RNF130: variants seen among roughly 807,000 people sequenced by gnomAD.
RNF130 encodes the protein E3 ubiquitin-protein ligase RNF130.
Under a neutral mutation model 44.6 loss-of-function variants are expected in RNF130, and 21 were observed. That is an observed-to-expected ratio of 0.47 (90% confidence interval 0.33 to 0.68). The LOEUF (loss-of-function observed/expected upper bound fraction) is 0.68. Among genes scored for constraint, RNF130 ranks in the 30% least tolerant of loss-of-function variants. RNF130 has a pLI of 0.02. For synonymous variants in RNF130, 214 were observed against 210.4 expected, an observed-to-expected ratio of 1.02 and a Z score of -0.15; for missense variants, 479 against 560.6, an observed-to-expected ratio of 0.85 and a Z score of 1.47.
At chr5:180,025,973 T>C (rs895632437) in intron 2 of RNF130, among the ~76,000 whole-genome samples, 4 of 152,192 alleles carry the variant, frequency 2.6e-5, no homozygotes, top group Non-Finnish European at 5.9e-5. Context: ...GTATTTTTTG[T>C]ATTCACAGTG....
At chr5:180,024,897 C>T (rs1278147840) in intron 2 of RNF130, among the ~76,000 whole-genome samples, 4 of 152,174 alleles carry the variant, frequency 2.6e-5, no homozygotes, top group Non-Finnish European at 4.4e-5. Flanking sequence ...GTAAAGCTCT[C>T]CTGGGGGTGT....
chr5:179,949,267 A>AT (rs770299135), intron 7 of RNF130, among the ~76,000 whole-genome samples: 286 of 143,416 alleles, frequency 2.0e-3, no homozygotes, highest in South Asian at 2.9e-3. Flanking sequence ...TGCCCAGACA[A>AT]TTTTTTTTTT....
intron 3 of RNF130, among the ~76,000 whole-genome samples, chr5:179,992,679 A>T (rs1763113190): frequency 6.6e-6 from 1 of 152,060 alleles, no homozygotes; most frequent in Non-Finnish European, 1.5e-5. Flanking sequence ...GCTTGTCCTT[A>T]TTTTTAAATT....
At chr5:179,982,786 G>A (rs1762867834) in intron 3 of RNF130, among the ~76,000 whole-genome samples, 1 of 152,148 alleles carries the variant, frequency 6.6e-6, no homozygotes, top group African/African-American at 2.4e-5. Context: ...GTCTCACTAT[G>A]TTGCCCAGGC....
intron 3 of RNF130, among the ~76,000 whole-genome samples, chr5:179,988,448 T>G (rs959219448): frequency 5.3e-5 from 8 of 152,230 alleles, no homozygotes; most frequent in African/African-American, 1.9e-4. Flanking sequence ...ATTTTGGGTT[T>G]GGTTTATTCT....
chr5:179,985,489 T>G (rs961046049), intron 3 of RNF130, among the ~76,000 whole-genome samples: 1 of 152,170 alleles, frequency 6.6e-6, no homozygotes, highest in African/African-American at 2.4e-5. Flanking sequence ...AAGGCCACTC[T>G]GAAGCCTTCA....
At chr5:179,927,062 C>T (rs1311229309) in intron 7 of RNF130, among the ~76,000 whole-genome samples, 1 of 152,166 alleles carries the variant, frequency 6.6e-6, no homozygotes, top group Non-Finnish European at 1.5e-5. Flanking sequence ...TTCTAGTCAC[C>T]GTCAGAAGTG....
chr5:180,026,135 A>C (rs1028078255), intron 2 of RNF130, among the ~76,000 whole-genome samples: 2 of 152,050 alleles, frequency 1.3e-5, no homozygotes, highest in African/African-American at 4.8e-5. Flanking sequence ...AAAAAGAAAA[A>C]CCCAGTAAGA....
intron 3 of RNF130, among the ~76,000 whole-genome samples, chr5:179,990,742 G>C (rs907704283): frequency 1.3e-5 from 2 of 152,220 alleles, no homozygotes; most frequent in African/African-American, 4.8e-5. Context: ...CTGTCTGGGC[G>C]TGACAGAGGG....
chr5:179,964,548 C>G (rs1258464299), intron 7 of RNF130: 2 of 152,240 alleles, frequency 1.3e-5, no homozygotes, highest in African/African-American at 4.8e-5. Flanking sequence ...ACTCTTTACA[C>G]GTGGACTGCC....
chr5:179,990,923 T>C (rs866251371), intron 3 of RNF130, among the ~76,000 whole-genome samples: 2 of 152,368 alleles, frequency 1.3e-5, no homozygotes, highest in Middle Eastern at 3.4e-3. Context: ...ATCATATCTA[T>C]GATTTACATC....
intron 3 of RNF130, among the ~76,000 whole-genome samples, chr5:179,993,345 G>A (rs1359276138): frequency 6.6e-6 from 1 of 152,220 alleles, no homozygotes; most frequent in African/African-American, 2.4e-5. Flanking sequence ...CACCAACAGT[G>A]TAGAAGTGTT....
At chr5:180,016,117 C>A (rs1207299553) in intron 2 of RNF130, among the ~76,000 whole-genome samples, 1 of 151,400 alleles carries the variant, frequency 6.6e-6, no homozygotes, top group Non-Finnish European at 1.5e-5. Flanking sequence ...GCCGATCGGG[C>A]AGGAGGACAG....
intron 3 of RNF130, among the ~76,000 whole-genome samples, chr5:179,982,443 T>C (rs1762860157): frequency 6.6e-6 from 1 of 152,142 alleles, no homozygotes; most frequent in African/African-American, 2.4e-5. Context: ...GTTGTCTGAC[T>C]TTTATTTAAG....
rs71001067 is a variant in RNF130, at chr5:180,010,244, C to CAA, written c.693+2815_693+2816dup. Among the ~76,000 whole-genome samples the CAA allele has an allele frequency of 4.2e-3, 172 of 41,096 alleles. 26 individuals carry two copies. The highest frequency in any genetic ancestry group is 0.019 in the African/African-American group (148 of 7,770). 27.0% of individuals were successfully genotyped at this position (41,096 alleles called of 152,430 possible). On this transcript the variant is annotated intron_variant, in intron 3 of 8. Transcript: ENST00000521389. Reference sequence around the variant, plus strand: ...CCTCGGCGACAGTGAGACTACATCTCAAAAAAAAAAAAAAAAAAAAAAAAA... The same window carrying CAA: ...CCTCGGCGACAGTGAGACTACATCTCAAAAAAAAAAAAAAAAAAAAAAAAAAA...
chr5:179,993,690 T>C (rs954666122), intron 3 of RNF130, among the ~76,000 whole-genome samples: 33 of 152,188 alleles, frequency 2.2e-4, no homozygotes, highest in African/African-American at 4.8e-5. Context: ...GTTCACTCTA[T>C]TGGTAGTTTC....
intron 5 of RNF130, among the ~76,000 whole-genome samples, chr5:179,971,612 G>A (rs373251583): frequency 1.3e-5 from 2 of 152,192 alleles, no homozygotes; most frequent in East Asian, 1.9e-4. Context: ...CTCGTGATCC[G>A]CCCGCCTCGG....
intron 3 of RNF130, among the ~76,000 whole-genome samples, chr5:179,999,740 AGAAGT>A (rs1381158185): frequency 1.3e-5 from 2 of 152,342 alleles, no homozygotes; most frequent in East Asian, 3.9e-4. Context: ...AAGAAAAAAA[AGAAGT>A]GAAGTGAGTT....
chr5:179,966,304 G>C (rs1035958540), intron 7 of RNF130, among the ~76,000 whole-genome samples: 9 of 151,994 alleles, frequency 5.9e-5, no homozygotes, highest in African/African-American at 2.2e-4. Context: ...TAAGTGCCAA[G>C]AGACCAAACT....
Sources: allele counts gnomAD v4.1 joint callset (sites outside exome capture counted in the v4.1 genomes callset), GRCh38; gene constraint gnomAD v4.1.1; transcripts MANE v1.5; gene names NCBI Gene and HGNC (gene_info 2026-07-23, HGNC 2026-07-21).